The following PHF21A variants were observed in gnomAD, a reference collection of about 807,000 sequenced individuals.
PHF21A encodes the protein PHD finger protein 21A.
A neutral mutation model predicts 82.5 loss-of-function variants in PHF21A; 11 were observed. The ratio of observed to expected loss-of-function variants is 0.13; its 90% CI spans 0.08 to 0.22. The LOEUF (loss-of-function observed/expected upper bound fraction) is 0.22, where lower values mean the gene tolerates loss of function less well. Ranked by LOEUF, PHF21A falls within the 10% of genes least tolerant of loss-of-function variation. The pLI, the probability that PHF21A is intolerant of heterozygous loss-of-function variation, is 1.00. For missense variants in PHF21A, 579 were observed against 837.8 expected, an observed-to-expected ratio of 0.69 and a Z score of 3.81; for synonymous variants, 297 against 302.8, an observed-to-expected ratio of 0.98 and a Z score of 0.20.
At chr11:46,113,226 A>G (rs992580227) in intron 1 of PHF21A, among the ~76,000 whole-genome samples, 3 of 152,242 alleles carry the variant, frequency 2.0e-5, no homozygotes, top group African/African-American at 4.8e-5. Context: ...CCACGTTATC[A>G]CAGCAAGTTT....
At chr11:45,949,053 T>G (rs1166373920) in intron 13 of PHF21A, 107 bp from the exon 14 acceptor site, 1 of 869,660 alleles carries the variant, frequency 1.1e-6, no homozygotes, top group Non-Finnish European at 2.0e-6. Context: ...TGCCGACTAG[T>G]TAGTGCTAAT....
At chr11:46,012,469 A>G (rs1287603913) in intron 6 of PHF21A, among the ~76,000 whole-genome samples, 1 of 152,226 alleles carries the variant, frequency 6.6e-6, no homozygotes, top group Admixed American at 6.5e-5. Context: ...ACAAACAGTG[A>G]AGGACCACAC....
At chr11:46,042,175 TA>T (rs1352987880) in intron 6 of PHF21A, among the ~76,000 whole-genome samples, 1 of 152,162 alleles carries the variant, frequency 6.6e-6, no homozygotes, top group Non-Finnish European at 1.5e-5. Flanking sequence ...ATATAATAAA[TA>T]TTTTTTATAA....
chr11:45,952,915 C>T (rs2092294434), intron 11 of PHF21A, among the ~76,000 whole-genome samples: 1 of 152,236 alleles, frequency 6.6e-6, no homozygotes, highest in South Asian at 2.1e-4. Context: ...TAAGGACATA[C>T]AGATTCACAT....
intron 1 of PHF21A, among the ~76,000 whole-genome samples, chr11:46,102,161 C>T (rs1245697853): frequency 1.3e-5 from 2 of 152,018 alleles, no homozygotes; most frequent in African/African-American, 2.4e-5. Context: ...TGTCCCTGTG[C>T]TGGTATCAAA....
At chr11:46,085,587 A>G (rs1291035122) in intron 3 of PHF21A, among the ~76,000 whole-genome samples, 1 of 152,206 alleles carries the variant, frequency 6.6e-6, no homozygotes, top group Non-Finnish European at 1.5e-5. Flanking sequence ...TGCACCTATA[A>G]AGCTTGTAGC....
At chr11:45,936,681 T>A in intron 16 of PHF21A, 112 bp from the exon 17 acceptor site, 1 of 757,438 alleles carries the variant, frequency 1.3e-6, no homozygotes. Flanking sequence ...CAGGAAGGAT[T>A]TATGGTAGCA....
intron 6 of PHF21A, among the ~76,000 whole-genome samples, chr11:45,992,192 CACTCACTGAACTGTAACT>C (rs1338626019): frequency 6.6e-6 from 1 of 152,048 alleles, no homozygotes; most frequent in East Asian, 1.9e-4. Context: ...ACGGTAATTA[CACTCACTGAACTGTAACT>C]ACTAGGAAAG....
At chr11:46,016,884 A>G (rs1202396417) in intron 6 of PHF21A, among the ~76,000 whole-genome samples, 2 of 152,022 alleles carry the variant, frequency 1.3e-5, no homozygotes, top group Non-Finnish European at 2.9e-5. Flanking sequence ...CAAAATTTGT[A>G]TCAGCAATTC....
At chr11:46,076,617 A>T in intron 6 of PHF21A, 137 bp downstream of exon 6, 1 of 652,402 alleles carries the variant, frequency 1.5e-6, no homozygotes, top group South Asian at 2.2e-5. Context: ...CAGAGCTCAA[A>T]CAAAATTAAA....
At chr11:45,939,203 A>T (rs2089848529) in intron 15 of PHF21A, among the ~76,000 whole-genome samples, 1 of 152,248 alleles carries the variant, frequency 6.6e-6, no homozygotes, top group Non-Finnish European at 1.5e-5. Context: ...ATTATAGGCG[A>T]TACCTAAGAG....
At chr11:46,116,071 C>G (rs2136135864) in intron 1 of PHF21A, among the ~76,000 whole-genome samples, 1 of 152,242 alleles carries the variant, frequency 6.6e-6, no homozygotes, top group South Asian at 2.1e-4. Context: ...TTGATAGGCT[C>G]ATAAACACAG....
chr11:45,959,330 T>C (rs2092931351), intron 10 of PHF21A, among the ~76,000 whole-genome samples: 3 of 152,232 alleles, frequency 2.0e-5, no homozygotes, highest in South Asian at 4.1e-4. Flanking sequence ...CTTATACATA[T>C]ACAGTTTTTA....
intron 4 of PHF21A, among the ~76,000 whole-genome samples, chr11:46,083,803 T>C (rs2096823321): frequency 6.6e-6 from 1 of 152,230 alleles, no homozygotes; most frequent in Non-Finnish European, 1.5e-5. Flanking sequence ...AAAACTTTAG[T>C]ACATATGGTA....
chr11:45,983,963 T>C (rs2094403006), intron 6 of PHF21A, among the ~76,000 whole-genome samples: 1 of 152,196 alleles, frequency 6.6e-6, no homozygotes, highest in Non-Finnish European at 1.5e-5. Context: ...ACGTCATGAC[T>C]GCTGCTGGTC....
intron 6 of PHF21A, among the ~76,000 whole-genome samples, chr11:46,028,742 T>C (rs1263846729): frequency 6.6e-6 from 1 of 151,134 alleles, no homozygotes; most frequent in African/African-American, 2.4e-5. Flanking sequence ...CCCAGCTAAT[T>C]TCTGTATTTT....
At chr11:46,061,560 C>T (rs1360388803) in intron 6 of PHF21A, among the ~76,000 whole-genome samples, 1 of 151,996 alleles carries the variant, frequency 6.6e-6, no homozygotes, top group Non-Finnish European at 1.5e-5. Flanking sequence ...TTCTATATTC[C>T]TACAATTAAT....
chr11:46,078,995 AT>A, intron 5 of PHF21A, 138 bp downstream of exon 5: 1 of 541,006 alleles, frequency 1.8e-6, no homozygotes, highest in Non-Finnish European at 3.3e-6. Context: ...CTGAAGATCA[AT>A]GTATTAAAAA....
At chr11:45,965,969 A>G (rs1591360157) in intron 9 of PHF21A, among the ~76,000 whole-genome samples, 1 of 152,138 alleles carries the variant, frequency 6.6e-6, no homozygotes, top group Middle Eastern at 3.4e-3. Context: ...AAATTTCTTC[A>G]TATCCACAGC....
Sources: allele counts gnomAD v4.1 joint callset (sites outside exome capture counted in the v4.1 genomes callset), GRCh38; gene constraint gnomAD v4.1.1; transcripts MANE v1.5; gene names NCBI Gene and HGNC (gene_info 2026-07-23, HGNC 2026-07-21).